NDOR1: variants seen among roughly 807,000 people sequenced by gnomAD.
NDOR1 encodes the protein NADPH dependent diflavin oxidoreductase 1.
NDOR1 carries 61 observed loss-of-function variants against 67.2 expected under a neutral mutation model. That is an observed-to-expected ratio of 0.91 (90% CI 0.74 to 1.12). The LOEUF (loss-of-function observed/expected upper bound fraction) is 1.12. Among genes scored for constraint, NDOR1 ranks in the 50% most tolerant of loss-of-function variants. NDOR1 has a pLI of 0.00. For missense variants in NDOR1, 878 were observed against 802.8 expected (o/e 1.09, Z -1.13); for synonymous variants, 378 against 343.7 (o/e 1.10, Z -1.10).
In NDOR1 at chr9:137,206,226, G is replaced by A; in HGVS notation, c.136-6G>A. 2 of 1,613,974 alleles carry A rather than the reference G, an allele frequency of 1.2e-6. No individual in the cohort carries two copies. The highest frequency in any genetic ancestry group is 1.7e-6 in the Non-Finnish European group (2 of 1,179,970). ...AGGTCTTACGTGTGTGTGTCTTTTT[G>A]TTGAGGTGAATCTGATTAACGAGCC... On this transcript the variant is annotated splice_polypyrimidine_tract_variant and splice_region_variant and intron_variant, in intron 1 of 13. Transcript: ENST00000684003.
chr9:137,215,732 C>G lies in NDOR1; in HGVS notation c.1362C>G (p.Ile454Met). ...AFPETPDTPV[I>M]MVGPGTGVAP... ...CAGAGACACCAGACACACCTGTGAT[C>G]ATGGTGGGGCCTGGCACTGGGGTAG... Residue 454 changes from isoleucine (I) to methionine (M), a missense_variant, in exon 11 of 14, where the codon ATC becomes ATG. Physicochemically the swap from Ile to Met is conservative, Grantham distance 10. Coordinates refer to ENST00000684003, the MANE Select transcript of NDOR1 (RefSeq NM_014434.4). The G allele has an allele frequency of 6.2e-7, 1 of 1,602,946 alleles. No individual in the cohort carries two copies. The highest frequency in any genetic ancestry group is 8.5e-7 in the Non-Finnish European group (1 of 1,173,648).
Position 137,218,276 on chromosome 9 carries a change from C to G in NDOR1, c.*1860C>G. 2.5e-6 allele frequency: 1 copy of G among 398,356 alleles called. No homozygotes were observed. The highest frequency in any genetic ancestry group is 3.6e-5 in the East Asian group (1 of 28,062). 24.7% of individuals were successfully genotyped at this position (398,356 alleles called of 1,614,324 possible). ...GATCTGCCGGCTACAGGAGGAGCTG[C>G]TACAGGCCGACGGGCCCTCACGCCA... On this transcript the variant is annotated 3_prime_UTR_variant, in exon 14 of 14. Transcript: ENST00000684003.
At position 137,216,348 on chromosome 9, in the gene NDOR1, C is replaced by A. The variant is rs868048923; in HGVS notation, c.1726C>A (p.Pro576Thr). Residue 576 changes from proline (P) to threonine (T), a missense_variant, in exon 14 of 14, where the codon CCG becomes ACG. Transcript: ENST00000684003. ...CCAGGAGGAGGGTGGACTCTGCAGC[C>A]CGGACGCAGCCGCGTATCTAGCCAG... ...IFQEEGGLCSPDAAAYLARLQ... is the reference protein window; with the variant it reads ...IFQEEGGLCSTDAAAYLARLQ... 6.2e-7 allele frequency: 1 copy of A among 1,609,848 alleles called. No homozygotes were observed. The highest frequency in any genetic ancestry group is 1.6e-4 in the Middle Eastern group (1 of 6,062).
At chr9:137,213,924 A>G in intron 4 of NDOR1, 43 bp from the exon 5 acceptor site, 1 of 1,589,980 alleles carries the variant, frequency 6.3e-7, no homozygotes, top group Non-Finnish European at 8.6e-7. Flanking sequence ...TGGTCTGGCC[A>G]CACGCAGGGT....
rs537560798 is a variant in NDOR1 at position 137,209,846 on chromosome 9, CTT to C, written c.214-2654_214-2653del. On this transcript the variant is annotated intron_variant, in intron 2 of 13. Coordinates refer to ENST00000684003, the MANE Select transcript of NDOR1 (RefSeq NM_014434.4). ...CTGGCCCAAGCCTGTAATCCCAACA[CTT>C]TGGGAGGCCGAGGCGGGTGGATCAC... Among the ~76,000 whole-genome samples, 142 of 152,384 alleles carry C rather than the reference CTT, an allele frequency of 9.3e-4. 1 individual carries two copies. Among genetic ancestry groups the C allele is most frequent in the African/African-American group, 3.3e-3 (136 of 41,592 alleles).
At chr9:137,207,490 A>G (rs1170084597) in intron 2 of NDOR1, among the ~76,000 whole-genome samples, 2 of 151,894 alleles carry the variant, frequency 1.3e-5, no homozygotes, top group African/African-American at 4.8e-5. Flanking sequence ...CCTGGGGCGG[A>G]GATAGGTGTT....
rs533517923 is a variant in NDOR1, at chr9:137,216,656, T to C, written c.*240T>C. On this transcript the variant is annotated 3_prime_UTR_variant, in exon 14 of 14. Coordinates refer to ENST00000684003, the MANE Select transcript of NDOR1 (RefSeq NM_014434.4). ...GCGCTCCCCCACCCTGACAGTGAGCTGTGTCCTCGTCCCCCCACCCCCTTC... is the reference window on the plus strand; with the variant it reads ...GCGCTCCCCCACCCTGACAGTGAGCCGTGTCCTCGTCCCCCCACCCCCTTC... The C allele has an allele frequency of 1.4e-5, 8 of 569,028 alleles. No homozygotes were observed. The African/African-American group carries it at 1.5e-4, about 11-fold the overall frequency. The allele number at this position is 569,028 out of a possible 1,614,324, so 35.2% of individuals were successfully genotyped here. A position where few individuals can be genotyped will look rare whatever the true frequency, so the allele number is the denominator to read the frequency against.
At chr9:137,210,477 T>TA (rs1835200921) in intron 2 of NDOR1, among the ~76,000 whole-genome samples, 1 of 151,994 alleles carries the variant, frequency 6.6e-6, no homozygotes, top group African/African-American at 2.4e-5. Context: ...CCCAAAGTGC[T>TA]AGGTTTGCAG....
Position 137,212,190 on chromosome 9 carries a change from CAG to C in NDOR1, c.214-309_214-308del, listed in dbSNP as rs201915302. On this transcript the variant is annotated intron_variant, in intron 2 of 13. Coordinates refer to ENST00000684003, the MANE Select transcript of NDOR1 (RefSeq NM_014434.4). The surrounding 1 kb of genome is among the most constrained non-coding windows in gnomAD (Gnocchi z 4.3). ...AAGTGCAGAGCTGCTCCTGGCAGCT[CAG>C]AGCCTGGGGCAGAGGAGGGTGATGT... 7.1e-3 allele frequency among the ~76,000 whole-genome samples: 1,079 copies of C among 152,182 alleles called. 11 individuals carry two copies. Among genetic ancestry groups the C allele is most frequent in the African/African-American group, 0.024 (989 of 41,520 alleles).
chr9:137,216,137 C>T lies in NDOR1; in HGVS notation c.1598C>T (p.Ser533Leu), dbSNP rs866000594. The change falls in exon 13 of 14, where the codon TCG (serine) becomes TTG (leucine). Residue 533 changes from serine to leucine, a missense_variant. Ser to Leu is a moderately radical substitution (Grantham distance 145). Coordinates refer to ENST00000684003, the MANE Select transcript of NDOR1 (RefSeq NM_014434.4). ...YVQHRLRELG[S>L]LVWELLDRQG... ...CAGCACCGGCTCCGGGAGCTGGGGT[C>T]GCTTGTGTGGGAACTGCTGGACCGC... 1.2e-5 allele frequency: 20 copies of T among 1,613,452 alleles called. No individual in the cohort carries two copies. The highest frequency in any genetic ancestry group is 1.6e-5 in the Non-Finnish European group (19 of 1,180,032).
Position 137,213,885 on chromosome 9 carries a change from C to T in NDOR1, c.410+7C>T. On this transcript the variant is annotated splice_region_variant and intron_variant, in intron 4 of 13. Transcript: ENST00000684003. ...ATGACCAGCATGAGCTGGGGTGAGT[C>T]TGCGGGCGTGGTACCCGCCTCCACA... The T allele has an allele frequency of 6.2e-7, 1 of 1,606,248 alleles. No homozygotes were observed. The highest frequency in any genetic ancestry group is 8.5e-7 in the Non-Finnish European group (1 of 1,176,536).
chr9:137,206,214 G>A lies in NDOR1; in HGVS notation c.136-18G>A, dbSNP rs761346581. ...CCTTACAGCCGGAGGTCTTACGTGT[G>A]TGTGTCTTTTTGTTGAGGTGAATCT... On this transcript the variant is annotated intron_variant, in intron 1 of 13. Transcript: ENST00000684003. The A allele has an allele frequency of 1.9e-6, 3 of 1,613,988 alleles. No homozygotes were observed. Among genetic ancestry groups the A allele is most frequent in the Non-Finnish European group, 2.5e-6 (3 of 1,179,976 alleles).
intron 3 of NDOR1, among the ~76,000 whole-genome samples, chr9:137,213,165 G>A (rs1268552620): frequency 1.3e-5 from 2 of 152,240 alleles, no homozygotes; most frequent in Non-Finnish European, 2.9e-5. Flanking sequence ...GAAGATCGGA[G>A]ACAGCTCCCC....
chr9:137,208,719 G>C (rs1051995347), intron 2 of NDOR1, among the ~76,000 whole-genome samples: 2 of 151,816 alleles, frequency 1.3e-5, no homozygotes, highest in East Asian at 3.9e-4. Context: ...AGTTACTCCA[G>C]AGGCTGAGGC....
Position 137,212,708 on chromosome 9 carries a change from CAG to C in NDOR1, c.311+110_311+111del. The C allele has an allele frequency of 3.0e-6, 3 of 1,006,690 alleles. No individual in the cohort carries two copies. Among genetic ancestry groups the C allele is most frequent in the Non-Finnish European group, 3.1e-6 (2 of 645,198 alleles). 62.4% of individuals were successfully genotyped at this position (1,006,690 alleles called of 1,614,324 possible). A position where few individuals can be genotyped will look rare whatever the true frequency, so the allele number is the denominator to read the frequency against. ...TTCCAGGGTCGGCCCCTGCGCGCCT[CAG>C]GGCCCTCGCAGTGGTACTGGCTTCT... On this transcript the variant is annotated intron_variant, in intron 3 of 13. Coordinates refer to ENST00000684003, the MANE Select transcript of NDOR1 (RefSeq NM_014434.4). The surrounding 1 kb of genome is among the most constrained non-coding windows in gnomAD (Gnocchi z 4.3).
chr9:137,214,002 TG>T lies in NDOR1; in HGVS notation c.447del (p.Leu149PhefsTer46). The T allele has an allele frequency of 6.4e-7, 1 of 1,554,266 alleles. No individual in the cohort carries two copies. The highest frequency in any genetic ancestry group is 8.7e-7 in the Non-Finnish European group (1 of 1,150,772). On this transcript the variant is annotated frameshift_variant, in exon 5 of 14. Coordinates refer to ENST00000684003, the MANE Select transcript of NDOR1 (RefSeq NM_014434.4). LOFTEE classifies it high-confidence loss of function. ...DAAVDPWLRD[L>X]WDRVLGLYPP... ...GCTGTGGACCCCTGGCTGCGAGACT[TG>T]TGGGACAGGGTTCTGGGGCTGTACC...
Position 137,212,646 on chromosome 9 carries a change from C to G in NDOR1, c.311+47C>G. ...GGGCGGACGGAACAGTTCTGGGGGTCGAGCAACAGGTGTGCTGGCAGAGGA... is the reference window on the plus strand; with the variant it reads ...GGGCGGACGGAACAGTTCTGGGGGTGGAGCAACAGGTGTGCTGGCAGAGGA... On this transcript the variant is annotated intron_variant, in intron 3 of 13. Transcript: ENST00000684003. The surrounding 1 kb of genome is among the most constrained non-coding windows in gnomAD (Gnocchi z 4.3). The G allele has an allele frequency of 1.3e-6, 2 of 1,542,618 alleles. No homozygotes were observed. Among genetic ancestry groups the G allele is most frequent in the South Asian group, 2.2e-5 (2 of 89,600 alleles).
rs903815572 is a variant in NDOR1 at position 137,214,130 on chromosome 9, C to T, written c.512+62C>T. The T allele has an allele frequency of 5.9e-6, 9 of 1,532,766 alleles. No homozygotes were observed. The East Asian group carries it at 1.5e-4, about 25-fold the overall frequency. 94.9% of individuals were successfully genotyped at this position (1,532,766 alleles called of 1,614,324 possible). A position where few individuals can be genotyped will look rare whatever the true frequency, so the allele number is the denominator to read the frequency against. ...GACCCAACCTGGCCTGGGGACCTCG[C>T]CCTGGGTCCCTCCCGTGTGGGTGGG... On this transcript the variant is annotated intron_variant, in intron 5 of 13. Transcript: ENST00000684003.
chr9:137,206,129 C>G lies in NDOR1; in HGVS notation c.136-103C>G, dbSNP rs931028341. ...ACGGTCTGGCTGCTCACATAAATCC[C>G]TCTGCCCTGTCAGCCTGAGTAAAGG... On this transcript the variant is annotated intron_variant, in intron 1 of 13. Transcript: ENST00000684003. 2.9e-5 allele frequency: 43 copies of G among 1,505,696 alleles called. No individual in the cohort carries two copies. The South Asian group carries it at 4.9e-4, about 17-fold the overall frequency. The allele number at this position is 1,505,696 out of a possible 1,614,324, so 93.3% of individuals were successfully genotyped here. A position where few individuals can be genotyped will look rare whatever the true frequency, so the allele number is the denominator to read the frequency against.
Sources: allele counts gnomAD v4.1 joint callset (sites outside exome capture counted in the v4.1 genomes callset), GRCh38; gene constraint gnomAD v4.1.1; non-coding constraint Gnocchi (gnomAD v3.1); transcripts MANE v1.5; gene names NCBI Gene and HGNC (gene_info 2026-07-23, HGNC 2026-07-21).